WDFY3: variants seen among roughly 807,000 people sequenced by gnomAD.
WDFY3 encodes WD repeat and FYVE domain containing 3, also known as WD repeat and FYVE domain-containing protein 3.
WDFY3 carries 66 observed loss-of-function variants against 409.6 expected under a neutral mutation model. The observed-to-expected ratio is 0.16, with a 90% confidence interval of 0.13 to 0.20. The LOEUF is 0.20. Ranked by LOEUF, WDFY3 falls within the 10% of genes least tolerant of loss-of-function variation. The pLI is 1.00. For missense variants in WDFY3, 3,031 were observed against 4,298.1 expected (o/e 0.71, Z 8.24); for synonymous variants, 1,521 against 1,537.1 (o/e 0.99, Z 0.25).
chr4:84,693,694 G>C (rs999730105), intron 58 of WDFY3, among the ~76,000 whole-genome samples: 2 of 151,998 alleles, frequency 1.3e-5, no homozygotes, highest in South Asian at 4.1e-4. Flanking sequence ...TCAGGAGTTC[G>C]AGACCAGCCT....
intron 55 of WDFY3, 120 bp from the exon 56 acceptor site, chr4:84,702,626 T>C: frequency 1.3e-6 from 1 of 799,742 alleles, no homozygotes; most frequent in East Asian, 3.0e-5. Context: ...CCCATTATCC[T>C]ACATTAAATA....
intron 18 of WDFY3, 105 bp downstream of exon 18, chr4:84,797,891 A>G (rs1749785211): frequency 2.2e-5 from 24 of 1,096,014 alleles, no homozygotes; most frequent in Non-Finnish European, 3.1e-5. Flanking sequence ...TTTAAATAAT[A>G]AACCCTTCTC....
At chr4:84,914,249 G>A (rs1471059951) in intron 2 of WDFY3, among the ~76,000 whole-genome samples, 6 of 151,966 alleles carry the variant, frequency 3.9e-5, no homozygotes, top group East Asian at 3.9e-4. Context: ...GTAAAACCCC[G>A]TCTCTACTAA....
At chr4:84,866,490 T>C (rs1251492180) in intron 3 of WDFY3, among the ~76,000 whole-genome samples, 2 of 152,194 alleles carry the variant, frequency 1.3e-5, no homozygotes, top group Non-Finnish European at 2.9e-5. Context: ...CCCTCCCCTT[T>C]CCACCACGTC....
intron 56 of WDFY3, among the ~76,000 whole-genome samples, chr4:84,699,044 G>GTT (rs77818435): frequency 2.8e-5 from 4 of 143,254 alleles, no homozygotes; most frequent in African/African-American, 2.6e-5. Context: ...GAGGCAAACT[G>GTT]TTTTTTTTTT....
rs967095392 is a variant in WDFY3 at position 84,891,937 on chromosome 4, T to C, written c.-32+4974A>G. 1.4e-4 allele frequency among the ~76,000 whole-genome samples: 21 copies of C among 151,866 alleles called. No homozygotes were observed. In the South Asian group the frequency reaches 1.9e-3, roughly 13 times the overall value. ...GACCTTCAGTTCACATCAGTAATAG[T>C]AGAACTAATCCTTCTTGGAAGGTAC... On this transcript the variant is annotated intron_variant, in intron 3 of 67. Coordinates refer to ENST00000295888, the MANE Select transcript of WDFY3 (RefSeq NM_014991.6).
intron 17 of WDFY3, among the ~76,000 whole-genome samples, chr4:84,798,918 G>A (rs1749987622): frequency 6.6e-6 from 1 of 152,060 alleles, no homozygotes; most frequent in South Asian, 2.1e-4. Context: ...AAAACAGCTA[G>A]CATTCAGTAC....
chr4:84,755,244 C>A, intron 34 of WDFY3, 22 bp downstream of exon 34: 1 of 1,607,742 alleles, frequency 6.2e-7, no homozygotes, highest in Non-Finnish European at 8.5e-7. Context: ...CTCAATAGGC[C>A]TGGGCATTTG....
rs566560356 is a variant in WDFY3 at position 84,683,532 on chromosome 4, G to C, written c.9726+411C>G. ...GTGCAGTCATCTGGGATCCTAGCTG[G>C]GGATCCTCGAAGTGTTTTCCAGCAC... On this transcript the variant is annotated intron_variant, in intron 63 of 67. Coordinates refer to ENST00000295888, the MANE Select transcript of WDFY3 (RefSeq NM_014991.6). 2.0e-5 allele frequency among the ~76,000 whole-genome samples: 3 copies of C among 152,252 alleles called. No homozygotes were observed. The South Asian group carries it at 6.2e-4, about 32-fold the overall frequency.
In WDFY3 at chr4:84,751,706, A is replaced by C; in HGVS notation, c.5750T>G (p.Leu1917Arg). 6.2e-7 allele frequency: 1 copy of C among 1,614,158 alleles called. No homozygotes were observed. Among genetic ancestry groups the C allele is most frequent in the Non-Finnish European group, 8.5e-7 (1 of 1,180,022 alleles). ...IRPYSEMVTD[L>R]DDEVGSPAEE... Reference sequence around the variant, plus strand: ...TGCTGGAGATCCAACTTCATCATCAAGGTCAGTCACCTAGTAAAATCAAGT... The same window carrying C: ...TGCTGGAGATCCAACTTCATCATCACGGTCAGTCACCTAGTAAAATCAAGT... The change falls in exon 36 of 68, where the codon CTT becomes CGT. Residue 1917 changes from leucine (L) to arginine (R), a missense_variant. Leu to Arg is a moderately radical substitution (Grantham distance 102). Coordinates refer to ENST00000295888, the MANE Select transcript of WDFY3 (RefSeq NM_014991.6).
chr4:84,781,223 TA>T (rs113154819), intron 25 of WDFY3, among the ~76,000 whole-genome samples: 25,681 of 145,082 alleles, frequency 0.18, 3,652 homozygotes, highest in African/African-American at 0.4. Context: ...GTGTGCCAAT[TA>T]AAAAAAAAAA....
chr4:84,954,212 C>T (rs1278468523), intron 1 of WDFY3, among the ~76,000 whole-genome samples: 1 of 152,162 alleles, frequency 6.6e-6, no homozygotes, highest in Non-Finnish European at 1.5e-5. Flanking sequence ...GAACTAGGTT[C>T]TCAGGTAGCA....
At chr4:84,828,863 A>T (rs978358974) in intron 9 of WDFY3, 141 bp downstream of exon 9, 10 of 823,890 alleles carry the variant, frequency 1.2e-5, no homozygotes, top group Non-Finnish European at 1.7e-5. Flanking sequence ...TGCACCAGAA[A>T]AAGAAGGGAG....
intron 27 of WDFY3, among the ~76,000 whole-genome samples, chr4:84,777,715 T>C (rs1745789835): frequency 6.6e-6 from 1 of 152,066 alleles, no homozygotes; most frequent in African/African-American, 2.4e-5. Context: ...AGTTCGCAAA[T>C]ATTAAGTGCT....
intron 1 of WDFY3, among the ~76,000 whole-genome samples, chr4:84,947,664 A>G (rs918836196): frequency 2.0e-5 from 3 of 146,492 alleles, no homozygotes; most frequent in Middle Eastern, 3.3e-3. Flanking sequence ...TGAGTCCAGG[A>G]GTTCAAGACC....
chr4:84,947,541 T>TAATAATAAA (rs1773032447), intron 1 of WDFY3, among the ~76,000 whole-genome samples: 1 of 137,594 alleles, frequency 7.3e-6, no homozygotes, highest in Admixed American at 7.3e-5. Context: ...ATAATAATAA[T>TAATAATAAA]AAAAATAATA....
At position 84,702,491 on chromosome 4, in the gene WDFY3, G is replaced by A; in HGVS notation, c.8458C>T (p.Leu2820=). ...ACACTGTGAAACATCCGGTCAGCCA[G>A]GTCAAAGTGGCCACCCTGTGGGCAG... ...FLRLQGGHFD[L]ADRMFHSVRE... Residue 2820 remains leucine (L), a synonymous_variant, in exon 56 of 68, where the codon CTG becomes TTG. Coordinates refer to ENST00000295888, the MANE Select transcript of WDFY3 (RefSeq NM_014991.6). 6.2e-7 allele frequency: 1 copy of A among 1,608,556 alleles called. No homozygotes were observed. The highest frequency in any genetic ancestry group is 1.3e-5 in the African/African-American group (1 of 74,782).
At position 84,672,049 on chromosome 4, in the gene WDFY3, A is replaced by C. The variant is rs138130079; in HGVS notation, c.*819T>G. 2.6e-5 allele frequency: 4 copies of C among 152,342 alleles called. No individual in the cohort carries two copies. In the East Asian group the frequency reaches 7.7e-4, roughly 29 times the overall value. The allele number at this position is 152,342 out of a possible 1,614,324, so 9.4% of individuals were successfully genotyped here. A position where few individuals can be genotyped will look rare whatever the true frequency, so the allele number is the denominator to read the frequency against. ...CAAACAGCAGTCCACATACAAGTTT[A>C]AAAGGGGCCCTGTTTATGTAGGAAC... On this transcript the variant is annotated 3_prime_UTR_variant, in exon 68 of 68. Transcript: ENST00000295888.
At chr4:84,762,607 G>A (rs890594089) in intron 32 of WDFY3, among the ~76,000 whole-genome samples, 2 of 151,622 alleles carry the variant, frequency 1.3e-5, no homozygotes, top group Admixed American at 1.3e-4. Flanking sequence ...AAAACTTGAA[G>A]TATAATAATA....
Sources: gnomAD v4.1 joint callset for allele counts (sites outside exome capture counted in the v4.1 genomes callset) on GRCh38, gnomAD v4.1.1 for gene constraint, MANE v1.5 for transcripts, NCBI Gene and HGNC (gene_info 2026-07-23, HGNC 2026-07-21) for gene names.